Variants in DIAPH2 observed in about 807,000 individuals in gnomAD.
DIAPH2 encodes diaphanous related formin 2, also known as protein diaphanous homolog 2.
In DIAPH2, 35 loss-of-function variants were observed where a neutral mutation model predicts 92.7. That is an observed-to-expected ratio of 0.38 (90% confidence interval 0.29 to 0.50). The LOEUF is 0.50. DIAPH2 is among the 20% of genes least tolerant of loss of function. DIAPH2 has a pLI of 0.94. For missense variants in DIAPH2, 701 were observed against 819.5 expected (o/e 0.86, Z 1.77); for synonymous variants, 301 against 280.4 (o/e 1.07, Z -0.73).
chrX:96,952,339 T>C (rs957089099), intron 15 of DIAPH2, among the ~76,000 whole-genome samples: 6 of 111,893 alleles, frequency 5.4e-5, no homozygotes, highest in African/African-American at 1.6e-4. Flanking sequence ...ATGGGTAACC[T>C]TTCCATGATC....
At chrX:97,399,221 GTTTTGTTTGTTGTCATAT>G (rs201731705) in intron 25 of DIAPH2, among the ~76,000 whole-genome samples, 1,462 of 111,249 alleles carry the variant, frequency 0.013, 11 homozygotes, top group Non-Finnish European at 0.02. Context: ...GGTTTTGTTT[GTTTTGTTTGTTGTCATAT>G]TTTTGTTGTT....
intron 9 of DIAPH2, among the ~76,000 whole-genome samples, chrX:96,929,151 A>G (rs2065603102): frequency 8.9e-6 from 1 of 111,755 alleles, no homozygotes; most frequent in Admixed American, 9.5e-5. Flanking sequence ...TAACATAACA[A>G]GAGTCATTCA....
chrX:96,688,470 G>C (rs2063782892), intron 1 of DIAPH2, among the ~76,000 whole-genome samples: 1 of 111,564 alleles, frequency 9.0e-6, no homozygotes, highest in African/African-American at 3.3e-5. Flanking sequence ...TAGCAGCTGG[G>C]ATTACAGGTG....
intron 16 of DIAPH2, among the ~76,000 whole-genome samples, chrX:96,962,828 G>A (rs767505915): frequency 1.7e-4 from 19 of 110,015 alleles, no homozygotes; most frequent in African/African-American, 4.3e-4. Flanking sequence ...TTGTGTATCC[G>A]TTGTTTTTTT....
chrX:97,498,505 C>T (rs745441516), intron 26 of DIAPH2, among the ~76,000 whole-genome samples: 5 of 111,328 alleles, frequency 4.5e-5, no homozygotes, highest in African/African-American at 9.8e-5. Context: ...TGGGGTCATA[C>T]GAAACCAAAC....
At chrX:97,466,497 C>A (rs1281826738) in intron 26 of DIAPH2, among the ~76,000 whole-genome samples, 1 of 111,661 alleles carries the variant, frequency 9.0e-6, no homozygotes, top group Non-Finnish European at 1.9e-5. Flanking sequence ...TATCTCACAT[C>A]TATTTCACCT....
chrX:96,698,030 A>G (rs1030680354), intron 1 of DIAPH2, among the ~76,000 whole-genome samples: 1 of 111,401 alleles, frequency 9.0e-6, no homozygotes, highest in Non-Finnish European at 1.9e-5. Flanking sequence ...ATAGCCCACC[A>G]CTGGGGAAAA....
intron 26 of DIAPH2, among the ~76,000 whole-genome samples, chrX:97,569,051 T>C (rs1346256295): frequency 1.8e-5 from 2 of 112,206 alleles, no homozygotes; most frequent in Non-Finnish European, 3.8e-5. Context: ...CTTGTTCACC[T>C]GACAGTTGGC....
chrX:97,575,999 G>A (rs2071397689), intron 26 of DIAPH2, among the ~76,000 whole-genome samples: 1 of 111,768 alleles, frequency 8.9e-6, no homozygotes, highest in East Asian at 2.8e-4. Context: ...GCCAAGCAAG[G>A]CGATAGGAGT....
intron 4 of DIAPH2, among the ~76,000 whole-genome samples, chrX:96,852,361 A>G (rs972222359): frequency 8.9e-5 from 10 of 112,361 alleles, no homozygotes; most frequent in African/African-American, 2.9e-4. Context: ...TAATATATTC[A>G]TGTGAAGTTT....
At chrX:96,736,307 GT>G (rs1207608314) in intron 2 of DIAPH2, among the ~76,000 whole-genome samples, 29 of 107,526 alleles carry the variant, frequency 2.7e-4, no homozygotes, top group East Asian at 1.4e-3. Flanking sequence ...AGCCTTGTCA[GT>G]TTTTTTTTTC....
At position 97,128,564 on chromosome X, in the gene DIAPH2, A is replaced by G. The variant is rs1293964350; in HGVS notation, c.2590-13101A>G. Among the ~76,000 whole-genome samples, 6 of 111,551 alleles carry G rather than the reference A, an allele frequency of 5.4e-5. No individual in the cohort carries two copies. In the East Asian group the frequency reaches 1.7e-3, roughly 31 times the overall value. On this transcript the variant is annotated intron_variant, in intron 21 of 26. Coordinates refer to ENST00000324765, the MANE Select transcript of DIAPH2 (RefSeq NM_006729.5). ...ATGCCTCTGACAAGACCCCATCTTA[A>G]CAAAAAATTTACTCACTTTAGGCAT...
intron 23 of DIAPH2, among the ~76,000 whole-genome samples, chrX:97,303,236 A>G (rs764101373): frequency 1.8e-5 from 2 of 112,282 alleles, no homozygotes; most frequent in African/African-American, 6.5e-5. Context: ...GTAAAGAGAA[A>G]TAATTTGTTT....
chrX:97,432,843 G>A (rs765218975), intron 26 of DIAPH2, among the ~76,000 whole-genome samples: 1 of 110,651 alleles, frequency 9.0e-6, no homozygotes, highest in East Asian at 2.8e-4. Context: ...GGCTGGTCTC[G>A]AACTCCTGAC....
At chrX:96,945,829 A>G (rs770224294) in intron 14 of DIAPH2, among the ~76,000 whole-genome samples, 5 of 111,981 alleles carry the variant, frequency 4.5e-5, no homozygotes, top group Non-Finnish European at 9.4e-5. Flanking sequence ...ACATTATACT[A>G]AAGTGATACA....
intron 22 of DIAPH2, among the ~76,000 whole-genome samples, chrX:97,176,940 A>C: frequency 8.9e-6 from 1 of 112,132 alleles, no homozygotes; most frequent in East Asian, 2.8e-4. Flanking sequence ...CATATACTTT[A>C]AATCATCTCT....
At chrX:97,283,466 A>AGT (rs1445968446) in intron 23 of DIAPH2, among the ~76,000 whole-genome samples, 1 of 111,879 alleles carries the variant, frequency 8.9e-6, no homozygotes, top group East Asian at 2.8e-4. Context: ...AGAGAGAGAG[A>AGT]GAGGATGCTT....
intron 26 of DIAPH2, among the ~76,000 whole-genome samples, chrX:97,585,673 C>T (rs2071475349): frequency 9.0e-6 from 1 of 110,670 alleles, no homozygotes; most frequent in South Asian, 3.8e-4. Context: ...ACTGTTTGCA[C>T]TCTAAGAAAA....
At chrX:97,570,117 T>TTAGAAG (rs1400908195) in intron 26 of DIAPH2, among the ~76,000 whole-genome samples, 20 of 26,410 alleles carry the variant, frequency 7.6e-4, no homozygotes, top group African/African-American at 2.3e-3. Flanking sequence ...TATATATATA[T>TTAGAAG]ATATATTAGA....
Sources: allele counts gnomAD v4.1 joint callset (sites outside exome capture counted in the v4.1 genomes callset), GRCh38; gene constraint gnomAD v4.1.1; transcripts MANE v1.5; gene names NCBI Gene and HGNC (gene_info 2026-07-23, HGNC 2026-07-21).